The following SHROOM3 variants were observed in gnomAD, a reference collection of about 807,000 sequenced individuals.
The protein encoded by SHROOM3 is protein Shroom3.
SHROOM3 carries 47 observed loss-of-function variants against 138.6 expected under a neutral mutation model. That is an observed-to-expected ratio of 0.34 (90% CI 0.27 to 0.43). The LOEUF is 0.43. Among genes scored for constraint, SHROOM3 ranks in the 20% least tolerant of loss-of-function variants. The pLI is 1.00. For synonymous variants in SHROOM3, 1,062 were observed against 1,063.3 expected, an observed-to-expected ratio of 1.00 and a Z score of 0.02; for missense variants, 2,491 against 2,596.5, an observed-to-expected ratio of 0.96 and a Z score of 0.88.
At chr4:76,658,462 T>G (rs1371297347) in intron 2 of SHROOM3, among the ~76,000 whole-genome samples, 1 of 152,132 alleles carries the variant, frequency 6.6e-6, no homozygotes, top group African/African-American at 2.4e-5. Flanking sequence ...AGACTAAAAA[T>G]ATTTATTTTT....
At chr4:76,768,891 C>G (rs1722251982) in intron 9 of SHROOM3, among the ~76,000 whole-genome samples, 1 of 152,130 alleles carries the variant, frequency 6.6e-6, no homozygotes, top group African/African-American at 2.4e-5. Context: ...ACCATTAAAG[C>G]CAGAACTTAG....
At chr4:76,472,958 G>A (rs1731409306) in intron 1 of SHROOM3, among the ~76,000 whole-genome samples, 1 of 152,184 alleles carries the variant, frequency 6.6e-6, no homozygotes. Flanking sequence ...TTCCCAAAGT[G>A]TTGGGATTAC....
chr4:76,704,101 TC>T (rs1177606658), intron 2 of SHROOM3, among the ~76,000 whole-genome samples: 1 of 152,164 alleles, frequency 6.6e-6, no homozygotes, highest in Non-Finnish European at 1.5e-5. Flanking sequence ...GAAAAGAAGA[TC>T]CCACATTTCC....
chr4:76,439,551 A>T (rs968761509), intron 1 of SHROOM3, among the ~76,000 whole-genome samples: 2 of 152,258 alleles, frequency 1.3e-5, no homozygotes, highest in Admixed American at 6.5e-5. Flanking sequence ...GTGGCTGATC[A>T]TGCGTATACT....
At chr4:76,650,049 G>T (rs887424002) in intron 2 of SHROOM3, among the ~76,000 whole-genome samples, 2 of 152,156 alleles carry the variant, frequency 1.3e-5, no homozygotes, top group Non-Finnish European at 2.9e-5. Flanking sequence ...TTCCTAGGTG[G>T]ATGTGCTTGG....
At chr4:76,554,178 TACA>T (rs2110028672) in intron 1 of SHROOM3, among the ~76,000 whole-genome samples, 1 of 152,320 alleles carries the variant, frequency 6.6e-6, no homozygotes, top group African/African-American at 2.4e-5. Flanking sequence ...TTGCCTTTCC[TACA>T]ATGTCATACA....
At chr4:76,693,999 A>G (rs147385897) in intron 2 of SHROOM3, among the ~76,000 whole-genome samples, 109 of 152,234 alleles carry the variant, frequency 7.2e-4, no homozygotes, top group African/African-American at 2.5e-3. Flanking sequence ...CGATCTCTCT[A>G]TCAAAATTAA....
chr4:76,774,366 A>T (rs1349543007), intron 10 of SHROOM3, among the ~76,000 whole-genome samples: 1 of 152,218 alleles, frequency 6.6e-6, no homozygotes, highest in Admixed American at 6.5e-5. Context: ...GGTCTTTGTT[A>T]AGAAACTAAA....
chr4:76,734,693 G>A (rs957698029), intron 4 of SHROOM3, among the ~76,000 whole-genome samples: 2 of 151,892 alleles, frequency 1.3e-5, no homozygotes, highest in African/African-American at 4.8e-5. Context: ...GTGTTTAAAA[G>A]TATTTTAAAC....
chr4:76,487,682 G>A (rs539264531), intron 1 of SHROOM3, among the ~76,000 whole-genome samples: 1 of 150,050 alleles, frequency 6.7e-6, no homozygotes, highest in African/African-American at 2.5e-5. Flanking sequence ...TCTTTGAACA[G>A]GGTCATACTT....
intron 2 of SHROOM3, among the ~76,000 whole-genome samples, chr4:76,562,319 G>A (rs72659793): frequency 0.08 from 12,180 of 152,134 alleles, 611 homozygotes; most frequent in Non-Finnish European, 0.12. Context: ...TGTTTCTGAG[G>A]GTTAACAGAA....
intron 2 of SHROOM3, among the ~76,000 whole-genome samples, chr4:76,660,485 A>AT (rs914099269): frequency 1.3e-5 from 2 of 151,418 alleles, no homozygotes; most frequent in Non-Finnish European, 1.5e-5. Context: ...ATTTTAATTA[A>AT]TTTTTTTTAA....
intron 2 of SHROOM3, among the ~76,000 whole-genome samples, chr4:76,662,919 G>C (rs1718578199): frequency 6.6e-6 from 1 of 151,562 alleles, no homozygotes; most frequent in Non-Finnish European, 1.5e-5. Flanking sequence ...GAGAGGGAGA[G>C]GAAGGGAGAG....
chr4:76,478,890 G>A (rs539496665), intron 1 of SHROOM3, among the ~76,000 whole-genome samples: 9 of 152,140 alleles, frequency 5.9e-5, no homozygotes, highest in South Asian at 2.1e-4. Flanking sequence ...CAGAGGGGCC[G>A]GACTGTTAGA....
intron 1 of SHROOM3, among the ~76,000 whole-genome samples, chr4:76,443,251 C>T (rs1730734277): frequency 1.3e-5 from 2 of 152,196 alleles, no homozygotes; most frequent in Non-Finnish European, 2.9e-5. Context: ...AGCATGCTGA[C>T]ATGCTGTACC....
Position 76,780,739 on chromosome 4 carries a change from T to C in SHROOM3, c.*1562T>C, listed in dbSNP as rs1016533677. 1.6e-4 allele frequency: 24 copies of C among 152,206 alleles called. No homozygotes were observed. The highest frequency in any genetic ancestry group is 6.5e-4 in the Admixed American group (10 of 15,284). The allele number at this position is 152,206 out of a possible 1,614,324, so 9.4% of individuals were successfully genotyped here. On this transcript the variant is annotated 3_prime_UTR_variant, in exon 11 of 11. Coordinates refer to ENST00000296043, the MANE Select transcript of SHROOM3 (RefSeq NM_020859.4). ...GTCAACCAAAGCTATGGCTTTGTTC[T>C]TTGGAGCTTATATACTGCATGACTC...
intron 1 of SHROOM3, among the ~76,000 whole-genome samples, chr4:76,552,154 G>A (rs911523882): frequency 6.6e-6 from 1 of 150,642 alleles, no homozygotes; most frequent in African/African-American, 2.4e-5. Flanking sequence ...GAGCCACTGC[G>A]CCTGGCCTAA....
intron 1 of SHROOM3, among the ~76,000 whole-genome samples, chr4:76,484,723 T>C (rs1011588904): frequency 1.2e-4 from 19 of 152,218 alleles, no homozygotes; most frequent in Non-Finnish European, 4.4e-5. Flanking sequence ...TTGTGGCAAC[T>C]TGGAGTCTCA....
At chr4:76,691,725 A>T (rs1719547697) in intron 2 of SHROOM3, among the ~76,000 whole-genome samples, 1 of 152,032 alleles carries the variant, frequency 6.6e-6, no homozygotes, top group Non-Finnish European at 1.5e-5. Context: ...CTTTTAACCT[A>T]GTGTTATTTT....
Sources: allele counts gnomAD v4.1 joint callset (sites outside exome capture counted in the v4.1 genomes callset), GRCh38; gene constraint gnomAD v4.1.1; transcripts MANE v1.5; gene names NCBI Gene and HGNC (gene_info 2026-07-23, HGNC 2026-07-21).